The following RCC2 variants were observed in gnomAD, a reference collection of about 807,000 sequenced individuals.
RCC2 encodes the protein regulator of chromosome condensation 2.
A neutral mutation model predicts 64.1 loss-of-function variants in RCC2; 19 were observed. The ratio of observed to expected loss-of-function variants is 0.30; its 90% CI spans 0.21 to 0.44. The LOEUF (loss-of-function observed/expected upper bound fraction) is 0.44, where lower values mean the gene tolerates loss of function less well. RCC2 is among the 20% of genes least tolerant of loss of function. RCC2 has a pLI of 1.00. For missense variants in RCC2, 508 were observed against 710.4 expected, an observed-to-expected ratio of 0.72 and a Z score of 3.24; for synonymous variants, 325 against 279.6, an observed-to-expected ratio of 1.16 and a Z score of -1.62.
intron 2 of RCC2, among the ~76,000 whole-genome samples, chr1:17,437,689 G>T (rs531524225): frequency 8.2e-4 from 1 of 1,224 alleles, no homozygotes; most frequent in East Asian, 0.023. Context: ...CGCGGCGGCC[G>T]TCAGGCCCCG....
intron 3 of RCC2, among the ~76,000 whole-genome samples, chr1:17,428,481 CTGGAAA>C (rs2075642664): frequency 6.6e-6 from 1 of 152,206 alleles, no homozygotes; most frequent in Non-Finnish European, 1.5e-5. Context: ...CAAAGCAATG[CTGGAAA>C]GCACTTTGGG....
At chr1:17,431,359 A>AAAATATATATATATATAT (rs1553158471) in intron 2 of RCC2, among the ~76,000 whole-genome samples, 2 of 44,912 alleles carry the variant, frequency 4.5e-5, no homozygotes, top group African/African-American at 2.1e-4. Flanking sequence ...AAAAAAAAAA[A>AAAATATATATATATATAT]ATATATATAT....
rs1557631175 is a variant in RCC2 at position 17,427,885 on chromosome 1, C to CCA, written c.379+1220_379+1221insTG. On this transcript the variant is annotated intron_variant, in intron 3 of 12. Transcript: ENST00000375436. Reference sequence around the variant, plus strand: ...CGCCCTGCAGCAGTCCCAGGCTCTGCGGTCAGACTGAGAAGTCAATTCCCA... The same window carrying CCA: ...CGCCCTGCAGCAGTCCCAGGCTCTGCCAGGTCAGACTGAGAAGTCAATTCCCA... Among the ~76,000 whole-genome samples the CCA allele has an allele frequency of 2.7e-4, 41 of 152,278 alleles. 1 individual carries two copies. In the East Asian group the frequency reaches 5.8e-3, roughly 22 times the overall value.
intron 9 of RCC2, 123 bp downstream of exon 9, chr1:17,413,414 G>T: frequency 9.0e-7 from 1 of 1,114,026 alleles, no homozygotes; most frequent in East Asian, 2.4e-5. Flanking sequence ...ACGAGTTCCT[G>T]TCTCAAAAAA....
chr1:17,411,580 CAA>C (rs56163231), intron 11 of RCC2, among the ~76,000 whole-genome samples: 16 of 63,950 alleles, frequency 2.5e-4, no homozygotes, highest in Admixed American at 9.5e-4. Flanking sequence ...AACTCCATCT[CAA>C]AAAAAAAAAA....
Position 17,408,863 on chromosome 1 carries a change from T to C in RCC2, c.*227A>G, listed in dbSNP as rs927591742. The C allele has an allele frequency of 2.0e-5, 10 of 488,122 alleles. No individual in the cohort carries two copies. The highest frequency in any genetic ancestry group is 2.9e-5 in the Non-Finnish European group (8 of 274,964). 30.2% of individuals were successfully genotyped at this position (488,122 alleles called of 1,614,324 possible). On this transcript the variant is annotated 3_prime_UTR_variant, in exon 13 of 13. Transcript: ENST00000375436. ...GAATGGTAAATCAACTATGAGCAAG[T>C]ATTTTAATTCAACATTAAGGGAAAA...
chr1:17,437,644 T>G, intron 2 of RCC2, among the ~76,000 whole-genome samples: 1 of 4,422 alleles, frequency 2.3e-4, no homozygotes, highest in East Asian at 0.028. Flanking sequence ...GCCGGGGGGC[T>G]TCCCCGACCT....
chr1:17,412,792 T>G (rs576830213), intron 10 of RCC2, among the ~76,000 whole-genome samples: 1 of 152,236 alleles, frequency 6.6e-6, no homozygotes, highest in Admixed American at 6.5e-5. Flanking sequence ...ACCTGCAGCG[T>G]AGGAATACAT....
chr1:17,410,786 G>T (rs906106269), intron 11 of RCC2, among the ~76,000 whole-genome samples: 1 of 152,066 alleles, frequency 6.6e-6, no homozygotes, highest in African/African-American at 2.4e-5. Context: ...TCCCTCCAAG[G>T]TGCCAGGCCA....
intron 1 of RCC2, among the ~76,000 whole-genome samples, chr1:17,438,960 AC>A (rs1035528375): frequency 6.7e-6 from 1 of 149,696 alleles, no homozygotes; most frequent in Non-Finnish European, 1.5e-5. Flanking sequence ...CTCCCCGGCT[AC>A]CCCACCTGCT....
intron 2 of RCC2, among the ~76,000 whole-genome samples, chr1:17,433,386 G>A (rs867367987): frequency 2.0e-5 from 3 of 152,234 alleles, no homozygotes; most frequent in African/African-American, 7.2e-5. Flanking sequence ...CCAATCGTGG[G>A]AGAGACTCCC....
At chr1:17,410,931 G>C (rs2075418305) in intron 11 of RCC2, among the ~76,000 whole-genome samples, 4 of 152,132 alleles carry the variant, frequency 2.6e-5, no homozygotes. Flanking sequence ...ACTATCTGTA[G>C]AAACTGGGCC....
At chr1:17,424,130 G>A (rs548278327) in intron 4 of RCC2, among the ~76,000 whole-genome samples, 1 of 152,330 alleles carries the variant, frequency 6.6e-6, no homozygotes, top group Non-Finnish European at 1.5e-5. Flanking sequence ...GCCACAGATG[G>A]AGACCCCACA....
chr1:17,437,981 C>A (rs2075757548), intron 2 of RCC2, among the ~76,000 whole-genome samples: 1 of 145,460 alleles, frequency 6.9e-6, no homozygotes, highest in Non-Finnish European at 1.5e-5. Flanking sequence ...CGGGCCCGGG[C>A]GCGCGCCCCA....
intron 8 of RCC2, among the ~76,000 whole-genome samples, chr1:17,414,806 G>T (rs985193015): frequency 1.3e-5 from 2 of 151,970 alleles, no homozygotes; most frequent in African/African-American, 2.4e-5. Context: ...GATTTTTGTG[G>T]TTTTTTTGTA....
At chr1:17,424,929 G>C (rs1191454065) in intron 4 of RCC2, among the ~76,000 whole-genome samples, 2 of 152,160 alleles carry the variant, frequency 1.3e-5, no homozygotes, top group Non-Finnish European at 2.9e-5. Context: ...AACCCATCCC[G>C]AGTGCCCAGG....
chr1:17,419,101 T>C (rs1233379110), intron 7 of RCC2, among the ~76,000 whole-genome samples: 1 of 152,138 alleles, frequency 6.6e-6, no homozygotes, highest in Non-Finnish European at 1.5e-5. Flanking sequence ...ATGCCTGTAA[T>C]CCCAACACTT....
rs2075547786 is a variant in RCC2 at position 17,420,823 on chromosome 1, C to G, written c.750G>C (p.Met250Ile). 1 of 1,594,080 alleles carries G rather than the reference C, an allele frequency of 6.3e-7. No individual in the cohort carries two copies. Among genetic ancestry groups the G allele is most frequent in the Non-Finnish European group, 8.5e-7 (1 of 1,171,958 alleles). ...TTTTGGTAATTGGCTGGCCGTTGTACATTATCTGAAAAGACAAGAAAGGAG... is the reference window on the plus strand; with the variant it reads ...TTTTGGTAATTGGCTGGCCGTTGTAGATTATCTGAAAAGACAAGAAAGGAG... ...TDAVPSPAQI[M>I]YNGQPITKMA... is the part of the protein sequence containing the mutation. Residue 250 changes from methionine (M) to isoleucine (I), a missense_variant, in exon 7 of 13, where the codon ATG becomes ATC. Transcript: ENST00000375436.
intron 3 of RCC2, among the ~76,000 whole-genome samples, chr1:17,427,983 A>C (rs1460673871): frequency 6.6e-6 from 1 of 152,194 alleles, no homozygotes; most frequent in Non-Finnish European, 1.5e-5. Context: ...CTATCTTGCA[A>C]AAACCAAGAC....
Sources: gnomAD v4.1 joint callset for allele counts (sites outside exome capture counted in the v4.1 genomes callset) on GRCh38, gnomAD v4.1.1 for gene constraint, MANE v1.5 for transcripts, NCBI Gene and HGNC (gene_info 2026-07-23, HGNC 2026-07-21) for gene names.